Variants in TGFBRAP1 observed in about 807,000 individuals in gnomAD.
TGFBRAP1 encodes the protein transforming growth factor beta receptor associated protein 1.
A neutral mutation model predicts 83.2 loss-of-function variants in TGFBRAP1; 20 were observed. That is an observed-to-expected ratio of 0.24 (90% confidence interval 0.17 to 0.35). The LOEUF (loss-of-function observed/expected upper bound fraction) is 0.35, where lower values mean the gene tolerates loss of function less well. Among genes scored for constraint, TGFBRAP1 ranks in the 10% least tolerant of loss-of-function variants. The probability of loss-of-function intolerance (pLI) is 1.00; values close to 1 mark genes in which losing one functional copy is unlikely to be tolerated. For missense variants in TGFBRAP1, 950 were observed against 1,099.4 expected (o/e 0.86, Z 1.92); for synonymous variants, 415 against 459.8 (o/e 0.90, Z 1.25).
chr2:105,285,930 C>G (rs1226127356), intron 4 of TGFBRAP1, among the ~76,000 whole-genome samples: 3 of 152,150 alleles, frequency 2.0e-5, no homozygotes, highest in African/African-American at 7.2e-5. Context: ...CGTTCTGTTG[C>G]CTGGGAATGC....
In TGFBRAP1 at chr2:105,283,076, G is replaced by C. The variant is rs767884094; in HGVS notation, c.1121+1240C>G. ...CACCTTGGGATACACCCATGACCCC[G>C]GTGAGGAGGTCTTCAACACTGTAGG... On this transcript the variant is annotated intron_variant, in intron 5 of 11. Coordinates refer to ENST00000393359, the MANE Select transcript of TGFBRAP1 (RefSeq NM_004257.6). 2.0e-5 allele frequency among the ~76,000 whole-genome samples: 3 copies of C among 152,270 alleles called. No homozygotes were observed. In the South Asian group the frequency reaches 6.2e-4, roughly 32 times the overall value.
Position 105,264,778 on chromosome 2 carries a change from C to T in TGFBRAP1, c.*2605G>A, listed in dbSNP as rs1676865452. 2.6e-5 allele frequency: 4 copies of T among 152,296 alleles called. No individual in the cohort carries two copies. In the South Asian group the frequency reaches 8.3e-4, roughly 32 times the overall value. 9.4% of individuals were successfully genotyped at this position (152,296 alleles called of 1,614,324 possible). ...GATAGGGAACAGCAGATAAACAGTT[C>T]CAAAAACCAAATGGTATTGCCCATA... On this transcript the variant is annotated 3_prime_UTR_variant, in exon 12 of 12. Coordinates refer to ENST00000393359, the MANE Select transcript of TGFBRAP1 (RefSeq NM_004257.6).
chr2:105,321,919 A>G (rs1205294278), intron 1 of TGFBRAP1, among the ~76,000 whole-genome samples: 2 of 152,204 alleles, frequency 1.3e-5, no homozygotes, highest in Non-Finnish European at 2.9e-5. Flanking sequence ...TTACTCCACT[A>G]CACTTTTTAT....
chr2:105,275,582 C>T lies in TGFBRAP1; in HGVS notation c.1643G>A (p.Trp548Ter). 1 of 1,613,998 alleles carries T rather than the reference C, an allele frequency of 6.2e-7. No homozygotes were observed. Among genetic ancestry groups the T allele is most frequent in the Non-Finnish European group, 8.5e-7 (1 of 1,179,982 alleles). Reference sequence around the variant, plus strand: ...AACCTCTTCACTTTTCTGCAGGACCCAATCAGCATAGGCCCACACTAGTTC... The same window carrying T: ...AACCTCTTCACTTTTCTGCAGGACCTAATCAGCATAGGCCCACACTAGTTC... ...DEELVWAYAD[W>*]VLQKSEEVGV... Residue 548 changes from tryptophan to a stop codon, truncating the protein, a stop_gained, in exon 8 of 12, where the codon TGG (tryptophan) becomes TAG (stop). Coordinates refer to ENST00000393359, the MANE Select transcript of TGFBRAP1 (RefSeq NM_004257.6). LOFTEE classifies it high-confidence loss of function.
chr2:105,321,448 G>T (rs1479835111), intron 1 of TGFBRAP1, among the ~76,000 whole-genome samples: 1 of 152,162 alleles, frequency 6.6e-6, no homozygotes, highest in Non-Finnish European at 1.5e-5. Flanking sequence ...GATTACAGGT[G>T]TGAGCCACCA....
In TGFBRAP1 at chr2:105,308,098, C is replaced by T. The variant is rs1160790772; in HGVS notation, c.204G>A (p.Gln68=). 1.9e-6 allele frequency: 3 copies of T among 1,614,028 alleles called. No individual in the cohort carries two copies. The highest frequency in any genetic ancestry group is 1.3e-5 in the African/African-American group (1 of 74,926). ...AGPATFTATK[Q]LQRHLGFKKP... ...TCTTGAAGCCCAAGTGTCTCTGCAG[C>T]TGTTTGGTGGCAGTGAACGTGGCTG... The change falls in exon 2 of 12, where the codon CAG becomes CAA. Residue 68 remains glutamine (Q), a synonymous_variant. Coordinates refer to ENST00000393359, the MANE Select transcript of TGFBRAP1 (RefSeq NM_004257.6).
At chr2:105,309,411 T>C (rs1573209980) in intron 1 of TGFBRAP1, among the ~76,000 whole-genome samples, 2 of 152,324 alleles carry the variant, frequency 1.3e-5, no homozygotes, top group South Asian at 2.1e-4. Context: ...TGTCTGAACA[T>C]GGAACAGTGC....
chr2:105,275,482 TC>T, intron 8 of TGFBRAP1, 77 bp downstream of exon 8: 1 of 1,547,708 alleles, frequency 6.5e-7, no homozygotes, highest in Middle Eastern at 1.7e-4. Context: ...TCTTTTCCCC[TC>T]CTAAAAGCAA....
rs116593766 is a variant in TGFBRAP1, at chr2:105,308,701, C to T, written c.-17-383G>A. 7.4e-3 allele frequency among the ~76,000 whole-genome samples: 1,123 copies of T among 152,090 alleles called. 12 individuals carry two copies. The highest frequency in any genetic ancestry group is 0.025 in the African/African-American group (1,053 of 41,482). On this transcript the variant is annotated intron_variant, in intron 1 of 11. Coordinates refer to ENST00000393359, the MANE Select transcript of TGFBRAP1 (RefSeq NM_004257.6). ...ACATAACAAAAGGATTTCTGTGAGG[C>T]AGGAGGATGGCTTGACCCCAGGAGC...
In TGFBRAP1 at chr2:105,296,482, T is replaced by A; in HGVS notation, c.912A>T (p.Gly304=). 6.2e-7 allele frequency: 1 copy of A among 1,613,364 alleles called. No homozygotes were observed. The highest frequency in any genetic ancestry group is 8.5e-7 in the Non-Finnish European group (1 of 1,179,868). The change falls in exon 4 of 12, where the codon GGA becomes GGT. Residue 304 remains glycine, a synonymous_variant. Transcript: ENST00000393359. ...AAGGTAATGGAACCAAGATGTAAAC[T>A]CCTTTACTTGTGGCAACGATCACTC... ...EGRVIVATSK[G]VYILVPLPLE... is the part of the protein sequence containing the mutation.
At chr2:105,251,079 G>A in the TGFBRAP1 span, among the ~76,000 whole-genome samples, 7 of 152,028 alleles carry the variant, frequency 4.6e-5, no homozygotes, top group East Asian at 5.8e-4. Context: ...CCGCCACCCC[G>A]TCTGGAAAGT....
At chr2:105,256,473 TC>T in the TGFBRAP1 span, among the ~76,000 whole-genome samples, 1 of 152,196 alleles carries the variant, frequency 6.6e-6, no homozygotes, top group Non-Finnish European at 1.5e-5. Context: ...CTAGCATTTG[TC>T]CCACTCTGTT....
At chr2:105,310,142 G>A (rs1042125305) in intron 1 of TGFBRAP1, among the ~76,000 whole-genome samples, 2 of 152,182 alleles carry the variant, frequency 1.3e-5, no homozygotes, top group Non-Finnish European at 2.9e-5. Flanking sequence ...CCTCATCTGT[G>A]AAATGAGAAT....
intron 1 of TGFBRAP1, among the ~76,000 whole-genome samples, chr2:105,320,330 A>G (rs1679017985): frequency 6.6e-6 from 1 of 152,206 alleles, no homozygotes; most frequent in Non-Finnish European, 1.5e-5. Flanking sequence ...TTAATTCTGT[A>G]TCTGCATTTT....
intron 2 of TGFBRAP1, among the ~76,000 whole-genome samples, chr2:105,302,009 T>TAAAAAAAAAAAAAAAAAAAAA (rs35548542): frequency 1.3e-5 from 1 of 75,104 alleles, no homozygotes; most frequent in African/African-American, 5.2e-5. Flanking sequence ...TAAAGAATAC[T>TAAAAAAAAAAAAAAAAAAAAA]AAAAAAAAAA....
chr2:105,322,414 A>G (rs1679094867), intron 1 of TGFBRAP1, among the ~76,000 whole-genome samples: 1 of 152,180 alleles, frequency 6.6e-6, no homozygotes, highest in African/African-American at 2.4e-5. Flanking sequence ...ACTGTACAGT[A>G]ATGTTTTAGG....
chr2:105,280,350 A>G (rs1447901036), intron 6 of TGFBRAP1, 32 bp downstream of exon 6: 1 of 1,583,840 alleles, frequency 6.3e-7, no homozygotes, highest in East Asian at 2.2e-5. Flanking sequence ...CAGGGCGGGA[A>G]GCCCTGATCA....
chr2:105,278,305 A>G (rs535722425), intron 6 of TGFBRAP1, among the ~76,000 whole-genome samples: 1 of 152,300 alleles, frequency 6.6e-6, no homozygotes, highest in East Asian at 1.9e-4. Context: ...ATATAATTTC[A>G]TATGTCTTTG....
chr2:105,275,608 C>T lies in TGFBRAP1; in HGVS notation c.1617G>A (p.Glu539=), dbSNP rs775281090. The T allele has an allele frequency of 6.2e-7, 1 of 1,614,132 alleles. No homozygotes were observed. Among genetic ancestry groups the T allele is most frequent in the Non-Finnish European group, 8.5e-7 (1 of 1,180,044 alleles). ...IVDFLTYCLD[E]ELVWAYADWV... ...AATCAGCATAGGCCCACACTAGTTCCTCGTCTAAGCAGTAGGTAAGAAAAT... is the reference window on the plus strand; with the variant it reads ...AATCAGCATAGGCCCACACTAGTTCTTCGTCTAAGCAGTAGGTAAGAAAAT... Residue 539 remains glutamate (E), a synonymous_variant, in exon 8 of 12, where the codon GAG becomes GAA. Coordinates refer to ENST00000393359, the MANE Select transcript of TGFBRAP1 (RefSeq NM_004257.6).
Sources: allele counts gnomAD v4.1 joint callset (sites outside exome capture counted in the v4.1 genomes callset), GRCh38; gene constraint gnomAD v4.1.1; transcripts MANE v1.5; gene names NCBI Gene and HGNC (gene_info 2026-07-23, HGNC 2026-07-21).